TMEM108: variants seen among roughly 807,000 people sequenced by gnomAD.
The protein encoded by TMEM108 is cancer/testis antigen 124.
Under a neutral mutation model 35.1 loss-of-function variants are expected in TMEM108, and 12 were observed. The observed-to-expected ratio is 0.34, with a 90% CI of 0.22 to 0.55. The LOEUF is 0.55. Among genes scored for constraint, TMEM108 ranks in the 20% least tolerant of loss-of-function variants. TMEM108 has a pLI of 0.89. For missense variants in TMEM108, 680 were observed against 753.3 expected, an observed-to-expected ratio of 0.90 and a Z score of 1.14; for synonymous variants, 287 against 308.6, an observed-to-expected ratio of 0.93 and a Z score of 0.73.
At chr3:133,275,465 A>C (rs1318701811) in intron 3 of TMEM108, among the ~76,000 whole-genome samples, 1 of 152,218 alleles carries the variant, frequency 6.6e-6, no homozygotes, top group Non-Finnish European at 1.5e-5. Flanking sequence ...ATTGCATTTA[A>C]GTTCAGACTA....
At chr3:133,156,062 T>TC in intron 2 of TMEM108, among the ~76,000 whole-genome samples, 1 of 145,672 alleles carries the variant, frequency 6.9e-6, no homozygotes, top group South Asian at 2.1e-4. Context: ...TTTTATTTTT[T>TC]CTTTTATTTA....
At chr3:133,275,056 A>C (rs996621396) in intron 3 of TMEM108, among the ~76,000 whole-genome samples, 2 of 152,372 alleles carry the variant, frequency 1.3e-5, no homozygotes, top group Admixed American at 6.5e-5. Context: ...TTAGAATTCC[A>C]ACACCAAGTA....
chr3:133,063,482 G>A (rs1943558915), intron 2 of TMEM108, among the ~76,000 whole-genome samples: 1 of 152,176 alleles, frequency 6.6e-6, no homozygotes, highest in Non-Finnish European at 1.5e-5. Flanking sequence ...GCTAGAGGTG[G>A]AGTGAGCAGT....
chr3:133,200,513 G>A (rs918870031), intron 2 of TMEM108, among the ~76,000 whole-genome samples: 1 of 152,112 alleles, frequency 6.6e-6, no homozygotes, highest in African/African-American at 2.4e-5. Flanking sequence ...CTTTGTCCCT[G>A]GTCGGAGAAG....
intron 3 of TMEM108, among the ~76,000 whole-genome samples, chr3:133,281,959 C>T (rs1409383261): frequency 6.6e-6 from 1 of 152,128 alleles, no homozygotes; most frequent in Admixed American, 6.5e-5. Context: ...AGATCGAGAC[C>T]ATCCTGGCTA....
intron 3 of TMEM108, among the ~76,000 whole-genome samples, chr3:133,287,391 C>T (rs1423693530): frequency 6.6e-6 from 1 of 152,144 alleles, no homozygotes; most frequent in Admixed American, 6.6e-5. Flanking sequence ...GTATCTAATG[C>T]AGTATATCAT....
At chr3:133,278,241 A>G (rs1389937338) in intron 3 of TMEM108, among the ~76,000 whole-genome samples, 1 of 152,244 alleles carries the variant, frequency 6.6e-6, no homozygotes, top group African/African-American at 2.4e-5. Flanking sequence ...AATAGCAATG[A>G]TGCTGAACTA....
intron 3 of TMEM108, among the ~76,000 whole-genome samples, chr3:133,239,761 A>G (rs929876305): frequency 2.6e-5 from 4 of 152,242 alleles, no homozygotes; most frequent in Non-Finnish European, 5.9e-5. Flanking sequence ...ATCCAGGAGC[A>G]GGAGACGCTT....
At position 133,380,603 on chromosome 3, in the gene TMEM108, C is replaced by T; in HGVS notation, c.892C>T (p.Pro298Ser). 1 of 1,613,304 alleles carries T rather than the reference C, an allele frequency of 6.2e-7. No homozygotes were observed. The highest frequency in any genetic ancestry group is 8.5e-7 in the Non-Finnish European group (1 of 1,179,582). The stretch of plus-strand genomic sequence containing the variant: ...TACCTTCACCAGCCAAGGAGGGACA[C>T]CAGATGCCACAGCAGCCTCAGGTGC... ...GSTFTSQGGT[P>S]DATAASGAPV... The change falls in exon 4 of 6, where the codon CCA becomes TCA. Residue 298 changes from proline (P) to serine (S), a missense_variant. Pro to Ser is a moderately conservative substitution (Grantham distance 74). This residue lies in a region of TMEM108 where 526 missense variants were observed against 532.1 expected (regional missense o/e 0.99). Coordinates refer to ENST00000321871, the MANE Select transcript of TMEM108 (RefSeq NM_023943.4). The surrounding 1 kb of genome is among the most constrained non-coding windows in gnomAD (Gnocchi z 5.3).
chr3:133,314,236 A>G (rs549524003), intron 3 of TMEM108, among the ~76,000 whole-genome samples: 1 of 152,282 alleles, frequency 6.6e-6, no homozygotes, highest in African/African-American at 2.4e-5. Flanking sequence ...AAATATTTCT[A>G]ATAGCTTGGG....
Position 133,319,562 on chromosome 3 carries a change from C to T in TMEM108, c.41-60190C>T, listed in dbSNP as rs181200897. ...CATGACAACTTCACTGCTAACATAA[C>T]TAGCATTCAAGAAAGCTAGTACACT... On this transcript the variant is annotated intron_variant, in intron 3 of 5. Transcript: ENST00000321871. Among the ~76,000 whole-genome samples, 427 of 152,360 alleles carry T rather than the reference C, an allele frequency of 2.8e-3. 3 individuals are homozygous for T. Among genetic ancestry groups the T allele is most frequent in the African/African-American group, 1.0e-2 (415 of 41,582 alleles).
At position 133,198,108 on chromosome 3, in the gene TMEM108, G is replaced by A. The variant is rs113845187; in HGVS notation, c.-46-31158G>A. Among the ~76,000 whole-genome samples the A allele has an allele frequency of 6.9e-3, 1,050 of 152,292 alleles. 7 individuals are homozygous for A. The highest frequency in any genetic ancestry group is 9.7e-3 in the Non-Finnish European group (657 of 68,024). On this transcript the variant is annotated intron_variant, in intron 2 of 5. Coordinates refer to ENST00000321871, the MANE Select transcript of TMEM108 (RefSeq NM_023943.4). Reference sequence around the variant, plus strand: ...CAAGAGAGAGCTCAGAAGGGTGAGCGTTGTCCTGAGTATTGATAAATGGTA... The same window carrying A: ...CAAGAGAGAGCTCAGAAGGGTGAGCATTGTCCTGAGTATTGATAAATGGTA...
At chr3:133,177,239 A>G (rs1046969793) in intron 2 of TMEM108, among the ~76,000 whole-genome samples, 1 of 152,224 alleles carries the variant, frequency 6.6e-6, no homozygotes, top group African/African-American at 2.4e-5. Context: ...CAGAGGTACA[A>G]GGAGGAGCTG....
At chr3:133,387,809 G>A (rs1357590682) in intron 4 of TMEM108, 11 of 982,232 alleles carry the variant, frequency 1.1e-5, no homozygotes, top group Admixed American at 6.1e-5. Context: ...GTAATAGATT[G>A]TCACCTAGAT....
intron 2 of TMEM108, among the ~76,000 whole-genome samples, chr3:133,149,219 C>G (rs1042318095): frequency 6.6e-6 from 1 of 152,094 alleles, no homozygotes; most frequent in Non-Finnish European, 1.5e-5. Context: ...CCCCAACCAG[C>G]TTTCCTGAAA....
At chr3:133,309,559 G>A (rs926830710) in intron 3 of TMEM108, among the ~76,000 whole-genome samples, 91 of 151,954 alleles carry the variant, frequency 6.0e-4, no homozygotes, top group South Asian at 1.5e-3. Context: ...CTGGTACGTC[G>A]TGTCTTTGTT....
intron 3 of TMEM108, among the ~76,000 whole-genome samples, chr3:133,260,810 G>T (rs1248829269): frequency 1.3e-5 from 2 of 152,172 alleles, no homozygotes; most frequent in Admixed American, 1.3e-4. Context: ...AGAAGAGATG[G>T]TGACAAATTG....
intron 3 of TMEM108, among the ~76,000 whole-genome samples, chr3:133,278,284 C>T: frequency 6.6e-6 from 1 of 152,228 alleles, no homozygotes; most frequent in Admixed American, 6.5e-5. Context: ...AATGCTGGCT[C>T]TGCCACTTAG....
chr3:133,043,231 G>T (rs532832638), intron 1 of TMEM108, among the ~76,000 whole-genome samples: 6 of 152,216 alleles, frequency 3.9e-5, no homozygotes, highest in African/African-American at 1.4e-4. Context: ...TTATGTATTT[G>T]ATCTTATACA....
Sources: allele counts gnomAD v4.1 joint callset (sites outside exome capture counted in the v4.1 genomes callset), GRCh38; gene constraint gnomAD v4.1.1; regional missense constraint gnomAD v4.1.1; non-coding constraint Gnocchi (gnomAD v3.1); transcripts MANE v1.5; gene names NCBI Gene and HGNC (gene_info 2026-07-23, HGNC 2026-07-21).